The following GDAP1 variants were observed in gnomAD, a reference collection of about 807,000 sequenced individuals.
GDAP1 encodes ganglioside induced differentiation associated protein 1.
A neutral mutation model predicts 40.1 loss-of-function variants in GDAP1; 34 were observed. The observed-to-expected ratio is 0.85, with a 90% confidence interval of 0.64 to 1.13. The LOEUF (loss-of-function observed/expected upper bound fraction) is 1.13. GDAP1 is among the 50% of genes most tolerant of loss of function. GDAP1 has a pLI of 0.00. For synonymous variants in GDAP1, 170 were observed against 157.4 expected, an observed-to-expected ratio of 1.08 and a Z score of -0.60; for missense variants, 374 against 433.7, an observed-to-expected ratio of 0.86 and a Z score of 1.22.
intron 2 of GDAP1, among the ~76,000 whole-genome samples, chr8:74,470,307 G>T (rs1411914304): frequency 6.6e-6 from 1 of 152,072 alleles, no homozygotes; most frequent in African/African-American, 2.4e-5. Flanking sequence ...CAACGTGCAG[G>T]TTGGTTACAT....
At chr8:74,425,441 C>A (rs886546685) in intron 2 of GDAP1, among the ~76,000 whole-genome samples, 1 of 152,050 alleles carries the variant, frequency 6.6e-6, no homozygotes, top group African/African-American at 2.4e-5. Flanking sequence ...TTTTTAAAAC[C>A]AGACATTAAA....
intron 2 of GDAP1, among the ~76,000 whole-genome samples, chr8:74,393,727 A>G (rs10957714): frequency 0.3 from 45,091 of 152,062 alleles, 8,212 homozygotes; most frequent in Middle Eastern, 0.43. Context: ...GCTATAACTA[A>G]TTATGAAAAA....
At chr8:74,465,199 T>C (rs1237018826) in intron 2 of GDAP1, among the ~76,000 whole-genome samples, 1 of 151,902 alleles carries the variant, frequency 6.6e-6, no homozygotes, top group Admixed American at 6.6e-5. Flanking sequence ...CCAGCCTGGG[T>C]GACAGAGCGA....
intron 2 of GDAP1, among the ~76,000 whole-genome samples, chr8:74,392,989 T>C (rs1810135666): frequency 6.6e-6 from 1 of 152,240 alleles, no homozygotes; most frequent in African/African-American, 2.4e-5. Context: ...TAGTAAAATA[T>C]ACACTTTACT....
intron 2 of GDAP1, among the ~76,000 whole-genome samples, chr8:74,416,545 A>G (rs1805781613): frequency 6.7e-6 from 1 of 150,254 alleles, no homozygotes; most frequent in African/African-American, 2.5e-5. Flanking sequence ...CGTTACTACT[A>G]CAACTGGCAT....
intron 2 of GDAP1, among the ~76,000 whole-genome samples, chr8:74,477,769 T>A (rs1288552663): frequency 6.6e-6 from 1 of 152,174 alleles, no homozygotes; most frequent in Non-Finnish European, 1.5e-5. Context: ...CATTCACATA[T>A]ACCAGCAACA....
chr8:74,414,246 A>G lies in GDAP1; in HGVS notation c.165+62925A>G, dbSNP rs1398569991. Among the ~76,000 whole-genome samples the G allele has an allele frequency of 6.0e-5, 9 of 150,278 alleles. 1 individual carries two copies. The highest frequency in any genetic ancestry group is 2.0e-4 in the African/African-American group (8 of 39,556). Reference sequence around the variant, plus strand: ...TAACATAATATTCAAAATGTCTTCAATGTAATCCAAATTACTTGGCATATG... The same window carrying G: ...TAACATAATATTCAAAATGTCTTCAGTGTAATCCAAATTACTTGGCATATG... On this transcript the variant is annotated intron_variant, in intron 2 of 2. Transcript: ENST00000523640.
chr8:74,439,836 A>G (rs1243199275), intron 2 of GDAP1, among the ~76,000 whole-genome samples: 1 of 151,870 alleles, frequency 6.6e-6, no homozygotes. Flanking sequence ...AGTAAATCTT[A>G]TTTGGTTATT....
Position 74,366,542 on chromosome 8 carries a change from C to T in GDAP1, c.*2175C>T, listed in dbSNP as rs369347361. The stretch of plus-strand genomic sequence containing the variant: ...CTAAATAGGCACTTATGTGTATTTT[C>T]TTTTTCATGATTATCGGTGACTGGT... On this transcript the variant is annotated 3_prime_UTR_variant, in exon 6 of 6. Coordinates refer to ENST00000220822, the MANE Select transcript of GDAP1 (RefSeq NM_018972.4). The T allele has an allele frequency of 8.8e-6, 4 of 453,752 alleles. No homozygotes were observed. The highest frequency in any genetic ancestry group is 1.4e-4 in the East Asian group (2 of 14,398). The allele number at this position is 453,752 out of a possible 1,614,324, so 28.1% of individuals were successfully genotyped here. A position where few individuals can be genotyped will look rare whatever the true frequency, so the allele number is the denominator to read the frequency against.
chr8:74,408,591 G>C (rs944112548), intron 2 of GDAP1, among the ~76,000 whole-genome samples: 1 of 149,990 alleles, frequency 6.7e-6, no homozygotes. Context: ...GGATTTGTCA[G>C]TACCTTGATC....
In GDAP1 at chr8:74,439,206, A is replaced by G. The variant is rs188841613; in HGVS notation, c.166-49472A>G. Among the ~76,000 whole-genome samples, 20 of 152,226 alleles carry G rather than the reference A, an allele frequency of 1.3e-4. No individual in the cohort carries two copies. The East Asian group carries it at 3.9e-3, about 29-fold the overall frequency. ...TTTTCTACTAGTAAGTCTTTAATCT[A>G]CATATATATACATGTTATATATATA... On this transcript the variant is annotated intron_variant, in intron 2 of 2. Transcript: ENST00000523640.
intron 2 of GDAP1, among the ~76,000 whole-genome samples, chr8:74,442,676 T>C (rs1806177272): frequency 6.6e-6 from 1 of 152,112 alleles, no homozygotes; most frequent in Admixed American, 6.6e-5. Flanking sequence ...ATGACTGAAG[T>C]CTTTAAGTTT....
chr8:74,356,716 A>ATATATATATATTTT (rs375377157), intron 2 of GDAP1, among the ~76,000 whole-genome samples: 18 of 104,326 alleles, frequency 1.7e-4, no homozygotes, highest in African/African-American at 7.4e-4. Context: ...ATATATATAT[A>ATATATATATATTTT]TTTTTTTTTT....
Position 74,366,369 on chromosome 8 carries a change from A to G in GDAP1, c.*2002A>G, listed in dbSNP as rs768963041. 5 of 454,480 alleles carry G rather than the reference A, an allele frequency of 1.1e-5. No individual in the cohort carries two copies. The highest frequency in any genetic ancestry group is 7.8e-5 in the South Asian group (5 of 64,466). 28.2% of individuals were successfully genotyped at this position (454,480 alleles called of 1,614,324 possible). On this transcript the variant is annotated 3_prime_UTR_variant, in exon 6 of 6. Coordinates refer to ENST00000220822, the MANE Select transcript of GDAP1 (RefSeq NM_018972.4). ...TAAAATGTTTCAAGCAAAGATAGTA[A>G]TGACCTCAGTTTCTGAAATAAGGGC... is the stretch of plus-strand genomic sequence containing the variant.
intron 2 of GDAP1, among the ~76,000 whole-genome samples, chr8:74,487,235 C>T (rs1365066585): frequency 6.6e-6 from 1 of 152,104 alleles, no homozygotes; most frequent in Non-Finnish European, 1.5e-5. Context: ...TGATACATTG[C>T]AGTGGAAATG....
intron 2 of GDAP1, among the ~76,000 whole-genome samples, chr8:74,409,895 A>G (rs1805687579): frequency 6.7e-6 from 1 of 149,968 alleles, no homozygotes; most frequent in Non-Finnish European, 1.5e-5. Context: ...TTGGTCAGAA[A>G]GATGGACTTG....
At chr8:74,444,027 ATCT>A (rs919607730) in intron 2 of GDAP1, among the ~76,000 whole-genome samples, 3 of 79,018 alleles carry the variant, frequency 3.8e-5, no homozygotes, top group Admixed American at 3.4e-4. Flanking sequence ...TCTATCTATC[ATCT>A]ATCATCTATT....
chr8:74,415,537 T>TG (rs1491545139), intron 2 of GDAP1, among the ~76,000 whole-genome samples: 1 of 149,994 alleles, frequency 6.7e-6, no homozygotes, highest in Admixed American at 6.6e-5. Context: ...GGCAGAAAAC[T>TG]GTAAGTCCAC....
At chr8:74,476,452 C>A (rs569106143) in intron 2 of GDAP1, among the ~76,000 whole-genome samples, 1 of 152,282 alleles carries the variant, frequency 6.6e-6, no homozygotes, top group East Asian at 1.9e-4. Context: ...GCACTTCTTT[C>A]AGGCGCTCTT....
Sources: gnomAD v4.1 joint callset for allele counts (sites outside exome capture counted in the v4.1 genomes callset) on GRCh38, gnomAD v4.1.1 for gene constraint, MANE v1.5 for transcripts, NCBI Gene and HGNC (gene_info 2026-07-23, HGNC 2026-07-21) for gene names.